Variants in RBPJ observed in about 807,000 individuals in gnomAD.
The protein encoded by RBPJ is recombining binding protein suppressor of hairless.
A neutral mutation model predicts 67.8 loss-of-function variants in RBPJ; 9 were observed. The observed-to-expected ratio is 0.13, with a 90% CI of 0.08 to 0.23. The LOEUF is 0.23. Among genes scored for constraint, RBPJ ranks in the 10% least tolerant of loss-of-function variants. RBPJ has a pLI of 1.00. For missense variants in RBPJ, 305 were observed against 595.6 expected (o/e 0.51, Z 5.08); for synonymous variants, 198 against 203.3 (o/e 0.97, Z 0.22).
chr4:26,158,293 C>T, the RBPJ span, among the ~76,000 whole-genome samples: 1,894 of 152,236 alleles, frequency 0.012, 42 homozygotes, highest in African/African-American at 0.043. Context: ...GTGGATGGCC[C>T]ATGGACTTCA....
intron 1 of RBPJ, among the ~76,000 whole-genome samples, chr4:26,281,619 T>C (rs183595300): frequency 6.6e-6 from 1 of 152,356 alleles, no homozygotes; most frequent in East Asian, 1.9e-4. Flanking sequence ...TGACTTATTA[T>C]TGTAATTATA....
At chr4:26,127,705 A>G in the RBPJ span, among the ~76,000 whole-genome samples, 10,965 of 152,258 alleles carry the variant, frequency 0.072, 1,301 homozygotes, top group African/African-American at 0.25. Flanking sequence ...TTGAACTAGG[A>G]CTTGAAAGAT....
At chr4:26,340,222 G>A (rs1725366547) in intron 1 of RBPJ, among the ~76,000 whole-genome samples, 1 of 152,218 alleles carries the variant, frequency 6.6e-6, no homozygotes, top group African/African-American at 2.4e-5. Flanking sequence ...GGTCAAGGAA[G>A]GCCTCACAGA....
At chr4:26,275,502 A>C (rs557081134) in intron 1 of RBPJ, among the ~76,000 whole-genome samples, 6 of 152,216 alleles carry the variant, frequency 3.9e-5, no homozygotes, top group Non-Finnish European at 8.8e-5. Flanking sequence ...ACCCAGGGGG[A>C]CTATGTGACT....
In RBPJ at chr4:26,245,244, G is replaced by A. The variant is rs1176524461; in HGVS notation, c.-167+81630G>A. Among the ~76,000 whole-genome samples, 6 of 120,192 alleles carry A rather than the reference G, an allele frequency of 5.0e-5. No individual in the cohort carries two copies. In the South Asian group the frequency reaches 7.9e-4, roughly 16 times the overall value. 78.9% of individuals were successfully genotyped at this position (120,192 alleles called of 152,430 possible). A position where few individuals can be genotyped will look rare whatever the true frequency, so the allele number is the denominator to read the frequency against. On this transcript the variant is annotated intron_variant, in intron 1 of 4. Transcript: ENST00000512351. ...TTTTTTTTGAGTTGGAGTCTCACTC[G>A]CTCACACAGGCTGGAGTCCAGTGGT...
At chr4:26,406,305 G>C in intron 3 of RBPJ, 35 bp downstream of exon 3, 1 of 1,372,598 alleles carries the variant, frequency 7.3e-7, no homozygotes, top group Non-Finnish European at 1.0e-6. Flanking sequence ...GTTAATTGTA[G>C]TTACCACATG....
At chr4:26,115,702 T>G in the RBPJ span, among the ~76,000 whole-genome samples, 1 of 152,316 alleles carries the variant, frequency 6.6e-6, no homozygotes, top group African/African-American at 2.4e-5. Flanking sequence ...GGAACTGTAT[T>G]ACATACCTTG....
intron 1 of RBPJ, among the ~76,000 whole-genome samples, chr4:26,298,219 A>G (rs1476166708): frequency 6.6e-6 from 1 of 152,182 alleles, no homozygotes; most frequent in Non-Finnish European, 1.5e-5. Flanking sequence ...TTTCTATTCA[A>G]TGTTTGCTAT....
At chr4:26,179,244 T>G (rs906905471) in intron 1 of RBPJ, among the ~76,000 whole-genome samples, 2 of 151,626 alleles carry the variant, frequency 1.3e-5, no homozygotes, top group East Asian at 3.9e-4. Context: ...AGCTGTCATC[T>G]TCTGCTTGAG....
intron 1 of RBPJ, among the ~76,000 whole-genome samples, chr4:26,173,273 C>G (rs1188965187): frequency 6.6e-6 from 1 of 152,048 alleles, no homozygotes; most frequent in East Asian, 1.9e-4. Context: ...ATAGCTGGGA[C>G]TATAGGCATG....
At chr4:26,375,551 A>T (rs1729633237) in intron 1 of RBPJ, among the ~76,000 whole-genome samples, 1 of 152,238 alleles carries the variant, frequency 6.6e-6, no homozygotes. Flanking sequence ...ATTCTCCCTC[A>T]TTCCTCTTCA....
At chr4:26,206,789 C>T (rs551291771) in intron 1 of RBPJ, among the ~76,000 whole-genome samples, 3 of 149,036 alleles carry the variant, frequency 2.0e-5, no homozygotes, top group African/African-American at 4.9e-5. Context: ...AGTTTTCCTC[C>T]TTCACGGGTT....
chr4:26,379,063 G>T (rs1730049485), intron 1 of RBPJ, among the ~76,000 whole-genome samples: 1 of 152,038 alleles, frequency 6.6e-6, no homozygotes, highest in South Asian at 2.1e-4. Context: ...TAAGAAAACG[G>T]TGCTTTTCAG....
intron 2 of RBPJ, among the ~76,000 whole-genome samples, chr4:26,396,757 C>CA (rs1375822027): frequency 5.9e-5 from 9 of 152,196 alleles, no homozygotes; most frequent in African/African-American, 1.9e-4. Flanking sequence ...TACTTATCTA[C>CA]AAAAAACTTT....
At chr4:26,225,363 G>A (rs568728650) in intron 1 of RBPJ, among the ~76,000 whole-genome samples, 3 of 152,166 alleles carry the variant, frequency 2.0e-5, no homozygotes, top group African/African-American at 7.2e-5. Flanking sequence ...GCCCGAAAAG[G>A]CTACATGCTG....
chr4:26,354,070 A>C (rs1437023793), intron 1 of RBPJ, among the ~76,000 whole-genome samples: 1 of 151,964 alleles, frequency 6.6e-6, no homozygotes, highest in Non-Finnish European at 1.5e-5. Flanking sequence ...AGCTGGGACT[A>C]CAGGCGCGTG....
chr4:26,281,361 C>T (rs1721267328), intron 1 of RBPJ, among the ~76,000 whole-genome samples: 1 of 152,154 alleles, frequency 6.6e-6, no homozygotes, highest in African/African-American at 2.4e-5. Context: ...TCACTGCAAC[C>T]TCCACCTCCT....
the RBPJ span, among the ~76,000 whole-genome samples, chr4:26,136,101 A>G: frequency 2.0e-5 from 3 of 152,176 alleles, no homozygotes; most frequent in Non-Finnish European, 2.9e-5. Context: ...AGATCCCGTG[A>G]GACTTATTCG....
chr4:26,263,310 GC>G (rs886840375), intron 1 of RBPJ, among the ~76,000 whole-genome samples: 16 of 111,600 alleles, frequency 1.4e-4, no homozygotes, highest in East Asian at 2.5e-4. Context: ...TAACCACCCA[GC>G]CCCCCCGCCC....
Sources: gnomAD v4.1 joint callset for allele counts (sites outside exome capture counted in the v4.1 genomes callset) on GRCh38, gnomAD v4.1.1 for gene constraint, MANE v1.5 for transcripts, NCBI Gene and HGNC (gene_info 2026-07-23, HGNC 2026-07-21) for gene names.